The following NIN variants were observed in gnomAD, a reference collection of about 807,000 sequenced individuals.
NIN encodes ninein.
In NIN, 137 loss-of-function variants were observed where a neutral mutation model predicts 257.6. That is an observed-to-expected ratio of 0.53 (90% CI 0.46 to 0.61). The LOEUF is 0.61. NIN is among the 20% of genes least tolerant of loss of function. The pLI, the probability that NIN is intolerant of heterozygous loss-of-function variation, is 0.00. For synonymous variants in NIN, 918 were observed against 919.8 expected, an observed-to-expected ratio of 1.00 and a Z score of 0.04; for missense variants, 2,439 against 2,501.2, an observed-to-expected ratio of 0.98 and a Z score of 0.53.
At chr14:50,791,011 A>C (rs1021567707) in intron 5 of NIN, among the ~76,000 whole-genome samples, 4 of 152,352 alleles carry the variant, frequency 2.6e-5, no homozygotes, top group African/African-American at 9.6e-5. Context: ...TTACTTTCTT[A>C]GTACCAAATA....
chr14:50,798,138 C>T (rs1020745916), intron 4 of NIN, among the ~76,000 whole-genome samples: 10 of 152,198 alleles, frequency 6.6e-5, no homozygotes, highest in Non-Finnish European at 1.3e-4. Flanking sequence ...AGCAAGCAGC[C>T]GCACCACACT....
At chr14:50,737,226 G>A (rs1165439136) in intron 27 of NIN, among the ~76,000 whole-genome samples, 5 of 152,154 alleles carry the variant, frequency 3.3e-5, no homozygotes, top group Non-Finnish European at 5.9e-5. Flanking sequence ...GAAGCCAGAT[G>A]CTACACCCTG....
chr14:50,734,402 T>C (rs1225801649), intron 28 of NIN, among the ~76,000 whole-genome samples: 2 of 152,190 alleles, frequency 1.3e-5, no homozygotes, highest in Non-Finnish European at 2.9e-5. Context: ...CCATTTCTTC[T>C]TATAATTCTG....
Position 50,766,827 on chromosome 14 carries a change from G to A in NIN, c.1498C>T (p.Leu500=). The change falls in exon 13 of 31, where the codon CTG becomes TTG. Residue 500 remains leucine, a synonymous_variant. Transcript: ENST00000530997. ...NAEKLAEYEN[L]TNKLQRNLEN... is the part of the protein sequence containing the mutation. ...AAATTTCTCTGAAGTTTGTTTGTCA[G>A]ATTCTCATATTCTGCCAACTTCTCT... 2 of 1,613,974 alleles carry A rather than the reference G, an allele frequency of 1.2e-6. No homozygotes were observed. Among genetic ancestry groups the A allele is most frequent in the Non-Finnish European group, 1.7e-6 (2 of 1,179,952 alleles).
chr14:50,746,031 G>T (rs2041519442), intron 22 of NIN, among the ~76,000 whole-genome samples: 13 of 114,764 alleles, frequency 1.1e-4, no homozygotes, highest in African/African-American at 2.3e-4. Context: ...ACCAATGCTT[G>T]TTTAAAAAAA....
intron 4 of NIN, among the ~76,000 whole-genome samples, chr14:50,797,117 C>T (rs868513864): frequency 6.6e-6 from 1 of 152,198 alleles, no homozygotes; most frequent in Non-Finnish European, 1.5e-5. Flanking sequence ...AGATGCTCCC[C>T]AGTGTTAGGC....
At chr14:50,786,780 G>C (rs912858590) in intron 5 of NIN, among the ~76,000 whole-genome samples, 1 of 152,172 alleles carries the variant, frequency 6.6e-6, no homozygotes, top group Admixed American at 6.5e-5. Flanking sequence ...AGCTACAAAA[G>C]ATCTTAGCAG....
intron 14 of NIN, 147 bp downstream of exon 14, chr14:50,766,160 T>A (rs376446731): frequency 1.6e-6 from 1 of 642,846 alleles, no homozygotes. Flanking sequence ...TTGTGGTGGG[T>A]ACTTTTATTT....
At chr14:50,780,248 G>C (rs2043080452) in intron 5 of NIN, among the ~76,000 whole-genome samples, 2 of 152,236 alleles carry the variant, frequency 1.3e-5, no homozygotes, top group African/African-American at 4.8e-5. Context: ...GTTAGAAAAG[G>C]TGAATCGCCC....
intron 26 of NIN, among the ~76,000 whole-genome samples, chr14:50,739,011 G>A (rs1456066370): frequency 1.3e-5 from 2 of 152,016 alleles, no homozygotes; most frequent in Admixed American, 1.3e-4. Context: ...TAGTCTTGGT[G>A]GCCAGCCAAT....
rs372468688 is a variant in NIN, at chr14:50,770,894, T to C, written c.1217A>G (p.Asp406Gly). 6 of 1,614,160 alleles carry C rather than the reference T, an allele frequency of 3.7e-6. No individual in the cohort carries two copies. The highest frequency in any genetic ancestry group is 5.1e-6 in the Non-Finnish European group (6 of 1,180,014). The change falls in exon 11 of 31, where the codon GAT becomes GGT. Residue 406 changes from aspartate to glycine, a missense_variant. Physicochemically the swap from Asp to Gly is moderately conservative, Grantham distance 94. Transcript: ENST00000530997. Reference protein sequence around the residue: ...LKSLMASEVDDHHAAIERRNE... With the variant: ...LKSLMASEVDGHHAAIERRNE... ...CCGCCGCTCTATGGCCGCATGGTGA[T>C]CATCCACCTCCGAGGCCATTAAAGA...
At chr14:50,767,910 GATATAA>G (rs1448929497) in intron 12 of NIN, among the ~76,000 whole-genome samples, 1 of 151,406 alleles carries the variant, frequency 6.6e-6, no homozygotes, top group Non-Finnish European at 1.5e-5. Flanking sequence ...TTGGTTTAAA[GATATAA>G]AAACTGTACA....
In NIN at chr14:50,778,810, G is replaced by C. The variant is rs753540430; in HGVS notation, c.436-6C>G. 1 of 1,613,968 alleles carries C rather than the reference G, an allele frequency of 6.2e-7. No individual in the cohort carries two copies. ...CTGCGTTGCGTCTTCCAGTGCTAGA[G>C]AAGGCAAGAGAAGATTAGTGTGCTT... On this transcript the variant is annotated splice_polypyrimidine_tract_variant and splice_region_variant and intron_variant, in intron 5 of 30. Coordinates refer to ENST00000530997, the MANE Select transcript of NIN (RefSeq NM_020921.4).
chr14:50,799,123 A>C (rs762276558), intron 4 of NIN, among the ~76,000 whole-genome samples: 1 of 152,254 alleles, frequency 6.6e-6, no homozygotes, highest in Non-Finnish European at 1.5e-5. Flanking sequence ...ACCTACCCGG[A>C]TAGACTATAA....
rs1341489116 is a variant in NIN at position 50,830,493 on chromosome 14, CA to C, written c.-52del. 6.0e-6 allele frequency: 1 copy of C among 167,448 alleles called. No homozygotes were observed. The highest frequency in any genetic ancestry group is 1.5e-5 in the Non-Finnish European group (1 of 68,380). The allele number at this position is 167,448 out of a possible 1,614,324, so 10.4% of individuals were successfully genotyped here. ...TGTCGGTCTCTCCGGAGCGCCCGCA[CA>C]GCCGGCAGCCCGCCTCCAGCGCTCT... On this transcript the variant is annotated 5_prime_UTR_variant, in exon 2 of 31. Transcript: ENST00000530997.
intron 25 of NIN, among the ~76,000 whole-genome samples, 196 bp downstream of exon 25, chr14:50,741,386 A>T (rs1049697324): frequency 6.6e-6 from 1 of 152,218 alleles, no homozygotes; most frequent in Non-Finnish European, 1.5e-5. Flanking sequence ...TACCAACTGG[A>T]GGGAACAAGA....
At chr14:50,821,237 A>G (rs1481248313) in intron 3 of NIN, among the ~76,000 whole-genome samples, 1 of 152,248 alleles carries the variant, frequency 6.6e-6, no homozygotes, top group Non-Finnish European at 1.5e-5. Context: ...ACCATTGGCA[A>G]GAGGAAAAAA....
chr14:50,830,288 G>T (rs2045643592), intron 2 of NIN, among the ~76,000 whole-genome samples, 176 bp downstream of exon 2: 1 of 152,240 alleles, frequency 6.6e-6, no homozygotes, highest in African/African-American at 2.4e-5. Context: ...CCCAAACCCA[G>T]CGGTGCTGCC....
chr14:50,772,114 G>A (rs112013824), intron 9 of NIN, 187 bp downstream of exon 9: 6 of 504,284 alleles, frequency 1.2e-5, no homozygotes, highest in Non-Finnish European at 7.1e-6. Flanking sequence ...TTAAAAACAC[G>A]GAAAGTACTT....
Sources: gnomAD v4.1 joint callset for allele counts (sites outside exome capture counted in the v4.1 genomes callset) on GRCh38, gnomAD v4.1.1 for gene constraint, MANE v1.5 for transcripts, NCBI Gene and HGNC (gene_info 2026-07-23, HGNC 2026-07-21) for gene names.